The following NAV2 variants were observed in gnomAD, a reference collection of about 807,000 sequenced individuals.
The protein encoded by NAV2 is neuron navigator 2.
Under a neutral mutation model 223.2 loss-of-function variants are expected in NAV2, and 54 were observed. The ratio of observed to expected loss-of-function variants is 0.24; its 90% CI spans 0.19 to 0.30. NAV2 has a LOEUF of 0.30. Among genes scored for constraint, NAV2 ranks in the 10% least tolerant of loss-of-function variants. The pLI is 1.00. For missense variants in NAV2, 2,806 were observed against 3,147.5 expected (o/e 0.89, Z 2.60); for synonymous variants, 1,279 against 1,239.3 (o/e 1.03, Z -0.67).
At chr11:19,810,050 G>A (rs1287203424) in intron 1 of NAV2, among the ~76,000 whole-genome samples, 1 of 152,174 alleles carries the variant, frequency 6.6e-6, no homozygotes, top group African/African-American at 2.4e-5. Context: ...AACCTTGAGA[G>A]CAGAACATCT....
At chr11:19,548,462 G>T (rs962644182) in intron 1 of NAV2, among the ~76,000 whole-genome samples, 3 of 152,114 alleles carry the variant, frequency 2.0e-5, no homozygotes, top group Admixed American at 6.6e-5. Context: ...TTTGCCCAAG[G>T]TCTCACTGAT....
In NAV2 at chr11:20,118,679, G is replaced by T. The variant is rs2063323948; in HGVS notation, c.*421G>T. 6.0e-6 allele frequency: 1 copy of T among 166,964 alleles called. No individual in the cohort carries two copies. The highest frequency in any genetic ancestry group is 2.4e-5 in the African/African-American group (1 of 41,530). The allele number at this position is 166,964 out of a possible 1,614,324, so 10.3% of individuals were successfully genotyped here. Reference sequence around the variant, plus strand: ...GACAGAAGAGACTGGAGCAAAGTCGGAAACACAGAGAAGCACGGCTTCCCC... The same window carrying T: ...GACAGAAGAGACTGGAGCAAAGTCGTAAACACAGAGAAGCACGGCTTCCCC... On this transcript the variant is annotated 3_prime_UTR_variant, in exon 38 of 38. Transcript: ENST00000349880.
intron 1 of NAV2, among the ~76,000 whole-genome samples, chr11:19,509,248 C>T (rs2043205037): frequency 6.6e-6 from 1 of 152,146 alleles, no homozygotes; most frequent in African/African-American, 2.4e-5. Flanking sequence ...AGGTTTCGTC[C>T]CCTATTGTTT....
intron 23 of NAV2, 96 bp from the exon 24 acceptor site, chr11:20,077,897 C>T: frequency 1.0e-6 from 1 of 956,384 alleles, no homozygotes; most frequent in Non-Finnish European, 1.6e-6. Context: ...TGAGCTACTT[C>T]ATTCCCGCTC....
chr11:19,545,137 C>T (rs1180109279), intron 1 of NAV2, among the ~76,000 whole-genome samples: 1 of 152,216 alleles, frequency 6.6e-6, no homozygotes, highest in Non-Finnish European at 1.5e-5. Context: ...TGTGTACCTG[C>T]TGCACACCAC....
chr11:19,417,958 G>A (rs2074627651), intron 1 of NAV2, among the ~76,000 whole-genome samples: 1 of 152,054 alleles, frequency 6.6e-6, no homozygotes. Flanking sequence ...ATCACACACT[G>A]GGGCCTGTCA....
At chr11:19,642,778 ACAGT>A (rs2047702057) in intron 1 of NAV2, among the ~76,000 whole-genome samples, 1 of 152,138 alleles carries the variant, frequency 6.6e-6, no homozygotes, top group East Asian at 1.9e-4. Context: ...GCAGCTGCAA[ACAGT>A]CAGGGGTGTG....
intron 1 of NAV2, among the ~76,000 whole-genome samples, chr11:19,409,642 C>T (rs1446926554): frequency 6.6e-6 from 1 of 152,178 alleles, no homozygotes; most frequent in Admixed American, 6.5e-5. Flanking sequence ...TGGCAAATAT[C>T]CACAGAGCTC....
At chr11:19,363,575 TG>T (rs1854086791) in intron 1 of NAV2, among the ~76,000 whole-genome samples, 1 of 152,208 alleles carries the variant, frequency 6.6e-6, no homozygotes, top group Non-Finnish European at 1.5e-5. Context: ...TGATACCAAA[TG>T]TGGGTTGTTC....
chr11:19,589,522 G>A (rs146474710), intron 1 of NAV2, among the ~76,000 whole-genome samples: 48 of 152,300 alleles, frequency 3.2e-4, no homozygotes, highest in Non-Finnish European at 2.2e-4. Flanking sequence ...CTGACAAAGC[G>A]GGAAAGGGAT....
At chr11:19,518,225 T>C (rs1315015646) in intron 1 of NAV2, among the ~76,000 whole-genome samples, 2 of 152,262 alleles carry the variant, frequency 1.3e-5, no homozygotes, top group East Asian at 3.8e-4. Context: ...ATTCAACACA[T>C]TTTGTTATGC....
In NAV2 at chr11:20,100,942, G is replaced by T. The variant is rs149468678; in HGVS notation, c.6187G>T (p.Ala2063Ser). The change falls in exon 32 of 38, where the codon GCA (alanine) becomes TCA (serine). Residue 2063 changes from alanine to serine, a missense_variant. By Grantham distance (99) the Ala-to-Ser change is moderately conservative (BLOSUM62 1). Transcript: ENST00000349880. The stretch of plus-strand genomic sequence containing the variant: ...CCTGTCTCTCTCAAATGCAGGGCTC[G>T]CAGAAAACAGCCTGGACTCACTGGT... ...TTISVTVKGL[A>S]ENSLDSLVFE... 1 of 1,613,734 alleles carries T rather than the reference G, an allele frequency of 6.2e-7. No individual in the cohort carries two copies. Among genetic ancestry groups the T allele is most frequent in the South Asian group, 1.1e-5 (1 of 91,034 alleles).
intron 1 of NAV2, among the ~76,000 whole-genome samples, chr11:19,654,918 G>A (rs2048076398): frequency 1.3e-5 from 2 of 152,196 alleles, no homozygotes; most frequent in Admixed American, 1.3e-4. Context: ...AAGAGCTTCT[G>A]CACAGCAAAA....
intron 1 of NAV2, among the ~76,000 whole-genome samples, chr11:19,523,190 C>T (rs897551584): frequency 1.8e-4 from 28 of 152,216 alleles, no homozygotes; most frequent in Admixed American, 1.8e-3. Context: ...CACCCAAGGC[C>T]CCCATCTCCT....
chr11:19,426,419 A>T (rs1015364487), intron 1 of NAV2, among the ~76,000 whole-genome samples: 1 of 152,186 alleles, frequency 6.6e-6, no homozygotes, highest in African/African-American at 2.4e-5. Context: ...GAAGGACTCC[A>T]TGAAGAAATA....
In NAV2 at chr11:19,375,078, G is replaced by A. The variant is rs78453751; in HGVS notation, c.75+24051G>A. On this transcript the variant is annotated intron_variant, in intron 1 of 37. Transcript: ENST00000360655. ...CTAGGCACATTGGAAGCTCCTTCTC[G>A]ACAATAATGATCTTATACTTCTGTG... Among the ~76,000 whole-genome samples, 1,306 of 152,294 alleles carry A rather than the reference G, an allele frequency of 8.6e-3. 21 individuals carry two copies. Among genetic ancestry groups the A allele is most frequent in the African/African-American group, 0.03 (1,242 of 41,562 alleles).
At chr11:20,003,310 A>G (rs2052736757) in intron 11 of NAV2, among the ~76,000 whole-genome samples, 2 of 152,140 alleles carry the variant, frequency 1.3e-5, no homozygotes, top group South Asian at 4.1e-4. Context: ...TTGAGGGTCT[A>G]TTTTATCTGC....
intron 8 of NAV2, among the ~76,000 whole-genome samples, chr11:19,941,922 G>A (rs2046434569): frequency 6.6e-6 from 1 of 152,020 alleles, no homozygotes; most frequent in Non-Finnish European, 1.5e-5. Context: ...TATCCCTTAA[G>A]GTTTCTTTAT....
At chr11:19,997,160 T>G (rs1238606571) in intron 11 of NAV2, among the ~76,000 whole-genome samples, 1 of 152,196 alleles carries the variant, frequency 6.6e-6, no homozygotes, top group Non-Finnish European at 1.5e-5. Context: ...CAGGCCATTG[T>G]AGTCTGGGTA....
Sources: gnomAD v4.1 joint callset for allele counts (sites outside exome capture counted in the v4.1 genomes callset) on GRCh38, gnomAD v4.1.1 for gene constraint, MANE v1.5 for transcripts, NCBI Gene and HGNC (gene_info 2026-07-23, HGNC 2026-07-21) for gene names.